Variants in ADK observed in about 807,000 individuals in gnomAD.
ADK encodes N6,N6-dimethyladenosine kinase.
A neutral mutation model predicts 44.7 loss-of-function variants in ADK; 24 were observed. That is an observed-to-expected ratio of 0.54 (90% CI 0.39 to 0.76). The LOEUF (loss-of-function observed/expected upper bound fraction) is 0.76, where lower values mean the gene tolerates loss of function less well. Among genes scored for constraint, ADK ranks in the 30% least tolerant of loss-of-function variants. The pLI is 0.00. For synonymous variants in ADK, 128 were observed against 142.6 expected (o/e 0.90, Z 0.73); for missense variants, 321 against 425.1 (o/e 0.76, Z 2.15).
intron 7 of ADK, among the ~76,000 whole-genome samples, chr10:74,542,471 C>T (rs906879919): frequency 6.6e-6 from 1 of 152,128 alleles, no homozygotes; most frequent in African/African-American, 2.4e-5. Flanking sequence ...TGTCAAAACA[C>T]AGGCTTTTAG....
intron 6 of ADK, among the ~76,000 whole-genome samples, chr10:74,419,134 A>G (rs529177612): frequency 6.6e-6 from 1 of 152,114 alleles, no homozygotes; most frequent in Non-Finnish European, 1.5e-5. Context: ...CTGAATCTTC[A>G]TTTGGACTAT....
intron 4 of ADK, among the ~76,000 whole-genome samples, chr10:74,351,445 A>G (rs1161448196): frequency 6.6e-6 from 1 of 152,192 alleles, no homozygotes; most frequent in Non-Finnish European, 1.5e-5. Flanking sequence ...ATTTATGACA[A>G]ATCCATAGCC....
rs114846479 is a variant in ADK, at chr10:74,703,515, G to A, written c.965-4806G>A. Among the ~76,000 whole-genome samples the A allele has an allele frequency of 5.1e-3, 770 of 152,054 alleles. 7 individuals are homozygous for A. Among genetic ancestry groups the A allele is most frequent in the African/African-American group, 0.017 (716 of 41,496 alleles). On this transcript the variant is annotated intron_variant, in intron 10 of 10. Coordinates refer to ENST00000539909, the MANE Select transcript of ADK (RefSeq NM_006721.4). ...TAAATAACAAATAAATTAAAAATGAGGTGAGGTAAGTTATGACTATATTCT... is the reference window on the plus strand; with the variant it reads ...TAAATAACAAATAAATTAAAAATGAAGTGAGGTAAGTTATGACTATATTCT...
intron 7 of ADK, among the ~76,000 whole-genome samples, chr10:74,580,363 G>T (rs566259135): frequency 6.6e-6 from 1 of 152,114 alleles, no homozygotes; most frequent in Admixed American, 6.5e-5. Context: ...ATCACTTGAG[G>T]TCAGGAATTC....
intron 7 of ADK, among the ~76,000 whole-genome samples, chr10:74,550,910 C>T (rs1850013026): frequency 6.6e-6 from 1 of 152,060 alleles, no homozygotes; most frequent in African/African-American, 2.4e-5. Context: ...ACCATGTTGT[C>T]CAGGGTGGTC....
At chr10:74,473,223 G>T (rs1376601670) in intron 6 of ADK, among the ~76,000 whole-genome samples, 1 of 151,454 alleles carries the variant, frequency 6.6e-6, no homozygotes, top group Admixed American at 6.6e-5. Flanking sequence ...CACACATATA[G>T]AGAGAGAGCC....
chr10:74,592,779 C>T (rs1851767280), intron 8 of ADK, among the ~76,000 whole-genome samples: 1 of 152,110 alleles, frequency 6.6e-6, no homozygotes, highest in African/African-American at 2.4e-5. Flanking sequence ...CTATCCAATA[C>T]AGCATCTACT....
At chr10:74,512,289 C>A (rs1848363192) in intron 6 of ADK, among the ~76,000 whole-genome samples, 1 of 151,774 alleles carries the variant, frequency 6.6e-6, no homozygotes, top group South Asian at 2.1e-4. Flanking sequence ...TTTTTGGTAT[C>A]ACGGTTATGT....
chr10:74,357,880 G>A (rs1464400631), intron 4 of ADK, among the ~76,000 whole-genome samples: 6 of 152,136 alleles, frequency 3.9e-5, no homozygotes, highest in South Asian at 2.1e-4. Context: ...ATCTGGTGGC[G>A]AAATTATATT....
At chr10:74,646,080 A>G (rs1297280211) in intron 9 of ADK, among the ~76,000 whole-genome samples, 1 of 152,164 alleles carries the variant, frequency 6.6e-6, no homozygotes, top group East Asian at 1.9e-4. Context: ...ATTGTTTATC[A>G]ACACGAACTT....
chr10:74,306,030 A>G (rs1489931155), intron 3 of ADK, among the ~76,000 whole-genome samples: 1 of 151,642 alleles, frequency 6.6e-6, no homozygotes, highest in African/African-American at 2.4e-5. Flanking sequence ...TGGTCAAGCC[A>G]TTATTTTTTC....
At chr10:74,646,050 T>C (rs1459727547) in intron 9 of ADK, among the ~76,000 whole-genome samples, 3 of 152,306 alleles carry the variant, frequency 2.0e-5, no homozygotes, top group Admixed American at 6.5e-5. Context: ...AATTGCAAAA[T>C]AGTATTTCCT....
In ADK at chr10:74,498,487, A is replaced by G. The variant is rs182993678; in HGVS notation, c.556-26769A>G. ...CTATTGATAAAAGATTATTTGAGAA[A>G]CATATAATCTATCCTTTTCTCTAAT... On this transcript the variant is annotated intron_variant, in intron 6 of 10. Transcript: ENST00000539909. 1.3e-4 allele frequency among the ~76,000 whole-genome samples: 20 copies of G among 152,354 alleles called. 1 individual carries two copies. The East Asian group carries it at 3.5e-3, about 26-fold the overall frequency.
chr10:74,424,208 C>T (rs544978135), intron 6 of ADK, among the ~76,000 whole-genome samples: 19 of 152,078 alleles, frequency 1.2e-4, no homozygotes, highest in South Asian at 2.1e-4. Flanking sequence ...TTTACTTAAA[C>T]GCAGAGACCA....
chr10:74,337,595 A>G (rs1841448294), intron 4 of ADK, among the ~76,000 whole-genome samples: 1 of 152,174 alleles, frequency 6.6e-6, no homozygotes, highest in South Asian at 2.1e-4. Flanking sequence ...AATCATCTCT[A>G]TAAAGACATT....
At chr10:74,499,459 C>T (rs1050896230) in intron 6 of ADK, among the ~76,000 whole-genome samples, 6 of 152,108 alleles carry the variant, frequency 3.9e-5, no homozygotes, top group Admixed American at 6.5e-5. Flanking sequence ...GAGGCCGAGG[C>T]GGGTGGATCA....
intron 9 of ADK, among the ~76,000 whole-genome samples, chr10:74,627,123 A>G (rs983653596): frequency 7.2e-5 from 11 of 152,084 alleles, no homozygotes; most frequent in African/African-American, 2.4e-4. Context: ...CCCTCATAGC[A>G]TATATATATA....
Position 74,432,758 on chromosome 10 carries a change from A to G in ADK, c.555+34179A>G, listed in dbSNP as rs924929883. ...ATATATTTTGAGTACTTATATATACATTTTAATAATTTTACTAGCCCTGGA... is the reference window on the plus strand; with the variant it reads ...ATATATTTTGAGTACTTATATATACGTTTTAATAATTTTACTAGCCCTGGA... On this transcript the variant is annotated intron_variant, in intron 6 of 10. Coordinates refer to ENST00000539909, the MANE Select transcript of ADK (RefSeq NM_006721.4). Among the ~76,000 whole-genome samples the G allele has an allele frequency of 8.5e-5, 13 of 152,286 alleles. No individual in the cohort carries two copies. In the South Asian group the frequency reaches 1.7e-3, roughly 19 times the overall value.
At chr10:74,347,368 G>A (rs1841812467) in intron 4 of ADK, among the ~76,000 whole-genome samples, 1 of 152,008 alleles carries the variant, frequency 6.6e-6, no homozygotes, top group African/African-American at 2.4e-5. Context: ...GAAGCCATGA[G>A]GGACTGTGCT....
Sources: allele counts gnomAD v4.1 joint callset (sites outside exome capture counted in the v4.1 genomes callset), GRCh38; gene constraint gnomAD v4.1.1; transcripts MANE v1.5; gene names NCBI Gene and HGNC (gene_info 2026-07-23, HGNC 2026-07-21).